Variants in PTPRG observed in about 807,000 individuals in gnomAD.
The protein encoded by PTPRG is protein tyrosine phosphatase receptor type G.
PTPRG carries 102 observed loss-of-function variants against 165.3 expected under a neutral mutation model. The ratio of observed to expected loss-of-function variants is 0.62; its 90% CI spans 0.53 to 0.73. The LOEUF is 0.73. PTPRG is among the 30% of genes least tolerant of loss of function. The probability of loss-of-function intolerance (pLI) is 0.00; values close to 1 mark genes in which losing one functional copy is unlikely to be tolerated. For synonymous variants in PTPRG, 675 were observed against 669.5 expected (o/e 1.01, Z -0.13); for missense variants, 1,866 against 1,861.4 (o/e 1.00, Z -0.05).
intron 4 of PTPRG, among the ~76,000 whole-genome samples, chr3:62,010,331 A>G (rs752134849): frequency 7.9e-5 from 12 of 151,336 alleles, no homozygotes; most frequent in Non-Finnish European, 1.8e-4. Flanking sequence ...GTTTAACACA[A>G]TGTTTTCCCA....
intron 1 of PTPRG, among the ~76,000 whole-genome samples, chr3:61,656,531 A>T (rs1481296105): frequency 6.6e-6 from 1 of 152,258 alleles, no homozygotes; most frequent in African/African-American, 2.4e-5. Flanking sequence ...ATTACTTGGT[A>T]CCACTGCAAA....
chr3:62,149,473 TG>T (rs572891856), intron 6 of PTPRG, among the ~76,000 whole-genome samples: 9 of 152,158 alleles, frequency 5.9e-5, no homozygotes, highest in Non-Finnish European at 1.2e-4. Context: ...TTCGCCAAGT[TG>T]GCCAGGTGGT....
chr3:61,818,823 A>G (rs1217841433), intron 2 of PTPRG, among the ~76,000 whole-genome samples: 1 of 149,288 alleles, frequency 6.7e-6, no homozygotes, highest in Admixed American at 6.6e-5. Context: ...GGGGCCCTTT[A>G]AAGTGAAATA....
At chr3:61,851,123 A>T (rs2036952375) in intron 2 of PTPRG, among the ~76,000 whole-genome samples, 1 of 152,242 alleles carries the variant, frequency 6.6e-6, no homozygotes, top group Admixed American at 6.5e-5. Context: ...GATACATAGT[A>T]ACCTATGCTG....
At chr3:61,929,909 G>A in intron 2 of PTPRG, among the ~76,000 whole-genome samples, 1 of 152,088 alleles carries the variant, frequency 6.6e-6, no homozygotes, top group Admixed American at 6.5e-5. Flanking sequence ...TAACAGTTTA[G>A]ACTAAATAAA....
intron 1 of PTPRG, among the ~76,000 whole-genome samples, chr3:61,748,669 G>T (rs1056604622): frequency 6.6e-6 from 1 of 151,492 alleles, no homozygotes; most frequent in African/African-American, 2.4e-5. Context: ...CAAAGTAAAG[G>T]TTCCTTGTCA....
chr3:62,017,195 T>C (rs914829677), intron 4 of PTPRG, among the ~76,000 whole-genome samples: 1 of 152,160 alleles, frequency 6.6e-6, no homozygotes, highest in African/African-American at 2.4e-5. Flanking sequence ...TATTCTTATC[T>C]TGTGGGCCTG....
At chr3:62,269,286 A>G (rs1701982874) in intron 20 of PTPRG, 117 bp downstream of exon 20, 5 of 1,108,446 alleles carry the variant, frequency 4.5e-6, no homozygotes. Context: ...GTATTTTTAA[A>G]ACATTTTTTC....
intron 1 of PTPRG, among the ~76,000 whole-genome samples, chr3:61,728,252 C>T (rs1473472491): frequency 6.6e-6 from 1 of 152,154 alleles, no homozygotes; most frequent in African/African-American, 2.4e-5. Context: ...CTGGTGCTTA[C>T]TTTAAAAGGA....
chr3:61,625,851 G>C (rs1250295934), intron 1 of PTPRG, among the ~76,000 whole-genome samples: 2 of 152,190 alleles, frequency 1.3e-5, no homozygotes, highest in Non-Finnish European at 2.9e-5. Context: ...AGATTTTACT[G>C]TTGCAGAACT....
intron 16 of PTPRG, among the ~76,000 whole-genome samples, chr3:62,257,654 T>C (rs150859980): frequency 6.6e-6 from 1 of 152,226 alleles, no homozygotes; most frequent in Non-Finnish European, 1.5e-5. Flanking sequence ...ATCCAGACTC[T>C]CATTAAAGTA....
chr3:61,793,614 A>G (rs867907184), intron 2 of PTPRG, among the ~76,000 whole-genome samples: 4 of 152,238 alleles, frequency 2.6e-5, no homozygotes, highest in African/African-American at 9.6e-5. Context: ...AATAAGCAAT[A>G]CAATGGGGAA....
intron 2 of PTPRG, among the ~76,000 whole-genome samples, chr3:61,790,528 G>A (rs1018519814): frequency 6.6e-6 from 1 of 152,224 alleles, no homozygotes; most frequent in Non-Finnish European, 1.5e-5. Context: ...ACCATGGAAA[G>A]CAGAGTTGCT....
At chr3:62,269,230 C>G in intron 20 of PTPRG, 61 bp downstream of exon 20, 12 of 1,476,708 alleles carry the variant, frequency 8.1e-6, no homozygotes, top group Non-Finnish European at 1.0e-5. Context: ...ATGAAAATTA[C>G]TGTACAACCA....
chr3:61,962,016 G>T (rs548140994), intron 2 of PTPRG, among the ~76,000 whole-genome samples: 1 of 152,222 alleles, frequency 6.6e-6, no homozygotes, highest in East Asian at 1.9e-4. Context: ...TTGCCTCCCT[G>T]GTGCCATGAA....
chr3:61,671,999 C>T (rs1409516795), intron 1 of PTPRG, among the ~76,000 whole-genome samples: 1 of 119,376 alleles, frequency 8.4e-6, no homozygotes, highest in African/African-American at 3.4e-5. Context: ...CCTCACTTCT[C>T]AGACGGGGCG....
At chr3:61,682,441 G>A (rs1320237529) in intron 1 of PTPRG, among the ~76,000 whole-genome samples, 1 of 152,156 alleles carries the variant, frequency 6.6e-6, no homozygotes, top group African/African-American at 2.4e-5. Context: ...AATGGGTATG[G>A]GTGATGGGGA....
rs1185054289 is a variant in PTPRG, at chr3:62,222,380, G to A, written c.2288+3397G>A. ...TCTCGCTCAAGCAGGCCCTCTGCCTGTTTGTACAGAGCAGCCTCTGGCCAT... is the reference window on the plus strand; with the variant it reads ...TCTCGCTCAAGCAGGCCCTCTGCCTATTTGTACAGAGCAGCCTCTGGCCAT... On this transcript the variant is annotated intron_variant, in intron 13 of 29. Transcript: ENST00000474889. The surrounding 1 kb of genome is among the most constrained non-coding windows in gnomAD (Gnocchi z 4.5). Among the ~76,000 whole-genome samples, 1 of 152,186 alleles carries A rather than the reference G, an allele frequency of 6.6e-6. No individual in the cohort carries two copies. The highest frequency in any genetic ancestry group is 1.5e-5 in the Non-Finnish European group (1 of 68,040).
intron 1 of PTPRG, among the ~76,000 whole-genome samples, chr3:61,696,005 C>A (rs970689186): frequency 6.6e-6 from 1 of 152,138 alleles, no homozygotes; most frequent in African/African-American, 2.4e-5. Context: ...TGACAACATT[C>A]TGTGGCACAG....
Sources: allele counts gnomAD v4.1 joint callset (sites outside exome capture counted in the v4.1 genomes callset), GRCh38; gene constraint gnomAD v4.1.1; non-coding constraint Gnocchi (gnomAD v3.1); transcripts MANE v1.5; gene names NCBI Gene and HGNC (gene_info 2026-07-23, HGNC 2026-07-21).